ARHGAP26: variants seen among roughly 807,000 people sequenced by gnomAD.
ARHGAP26 encodes the protein rho GTPase-activating protein 26.
Under a neutral mutation model 104.8 loss-of-function variants are expected in ARHGAP26, and 38 were observed. The ratio of observed to expected loss-of-function variants is 0.36; its 90% CI spans 0.28 to 0.48. ARHGAP26 has a LOEUF of 0.48. Among genes scored for constraint, ARHGAP26 ranks in the 20% least tolerant of loss-of-function variants. The probability of loss-of-function intolerance (pLI) is 0.99; values close to 1 mark genes in which losing one functional copy is unlikely to be tolerated. For missense variants in ARHGAP26, 704 were observed against 947.9 expected (o/e 0.74, Z 3.38); for synonymous variants, 341 against 340.0 (o/e 1.00, Z -0.03).
chr5:142,879,290 A>G, intron 3 of ARHGAP26, 84 bp from the exon 4 acceptor site: 2 of 1,218,242 alleles, frequency 1.6e-6, no homozygotes, highest in Non-Finnish European at 2.4e-6. Flanking sequence ...AGACATGGGG[A>G]GGCATCTCAT....
intron 17 of ARHGAP26, among the ~76,000 whole-genome samples, chr5:143,070,921 A>T (rs1159783048): frequency 6.6e-6 from 1 of 152,170 alleles, no homozygotes; most frequent in Non-Finnish European, 1.5e-5. Flanking sequence ...CAGAAAAAAA[A>T]ACAACAAAAA....
intron 1 of ARHGAP26, among the ~76,000 whole-genome samples, chr5:142,867,568 T>C (rs1012861453): frequency 6.6e-6 from 1 of 152,170 alleles, no homozygotes; most frequent in African/African-American, 2.4e-5. Context: ...TGGGGACTCT[T>C]CCTTAAACCA....
chr5:142,892,782 G>A (rs1044827105), intron 5 of ARHGAP26, among the ~76,000 whole-genome samples: 17 of 152,106 alleles, frequency 1.1e-4, no homozygotes, highest in South Asian at 2.1e-4. Flanking sequence ...GGTATTTAGG[G>A]TATCAGTCAC....
At chr5:142,895,481 C>T (rs1228937832) in intron 6 of ARHGAP26, among the ~76,000 whole-genome samples, 2 of 152,144 alleles carry the variant, frequency 1.3e-5, no homozygotes, top group African/African-American at 2.4e-5. Context: ...CCGCCCGCCT[C>T]GGCCTCCCAA....
chr5:142,778,943 A>G (rs77921866), intron 1 of ARHGAP26, among the ~76,000 whole-genome samples: 3 of 127,020 alleles, frequency 2.4e-5, no homozygotes, highest in Non-Finnish European at 4.6e-5. Context: ...CAAGGGATAG[A>G]AAAAAAAAAA....
At chr5:143,161,280 G>A (rs1801209862) in intron 20 of ARHGAP26, among the ~76,000 whole-genome samples, 1 of 152,016 alleles carries the variant, frequency 6.6e-6, no homozygotes, top group Non-Finnish European at 1.5e-5. Flanking sequence ...CCAAAGTGCA[G>A]GGATTACAGG....
At chr5:143,120,090 A>T (rs115665811) in intron 17 of ARHGAP26, among the ~76,000 whole-genome samples, 161 of 152,310 alleles carry the variant, frequency 1.1e-3, no homozygotes, top group African/African-American at 3.3e-3. Flanking sequence ...GATTTAGGGA[A>T]GCTCTTGATA....
chr5:143,160,296 C>A (rs559989070), intron 20 of ARHGAP26, among the ~76,000 whole-genome samples: 1 of 151,824 alleles, frequency 6.6e-6, no homozygotes, highest in African/African-American at 2.4e-5. Context: ...CCTGACCTCA[C>A]GATCCACCTG....
intron 17 of ARHGAP26, among the ~76,000 whole-genome samples, chr5:143,096,597 C>T (rs952523905): frequency 2.0e-5 from 3 of 152,264 alleles, no homozygotes; most frequent in African/African-American, 2.4e-5. Flanking sequence ...ATGCACCTTT[C>T]CTCCTTCGTT....
chr5:142,896,040 C>T (rs1454962564), intron 6 of ARHGAP26, among the ~76,000 whole-genome samples: 3 of 152,148 alleles, frequency 2.0e-5, no homozygotes, highest in Non-Finnish European at 4.4e-5. Context: ...TCAAAAATCC[C>T]CATCTTTCCA....
intron 1 of ARHGAP26, among the ~76,000 whole-genome samples, chr5:142,830,771 A>G (rs1319192771): frequency 6.6e-6 from 1 of 152,140 alleles, no homozygotes; most frequent in Non-Finnish European, 1.5e-5. Context: ...TCTCTTTGCC[A>G]TTGTAAATAC....
chr5:143,207,285 G>A lies in ARHGAP26; in HGVS notation c.2076G>A (p.Thr692=), dbSNP rs142973666. ...CCAGCCCTATGCCCACCTCATCCAC[G>A]TCCAGCGACTCATCCCCCGTCAGGT... ...APSSPMPTSS[T]SSDSSPVSTP... is the part of the protein sequence containing the mutation. The change falls in exon 21 of 23, where the codon ACG becomes ACA. Residue 692 remains threonine (T), a synonymous_variant. Transcript: ENST00000645722. 7.4e-6 allele frequency: 12 copies of A among 1,613,870 alleles called. No individual in the cohort carries two copies. Among genetic ancestry groups the A allele is most frequent in the South Asian group, 4.4e-5 (4 of 91,066 alleles).
chr5:142,951,023 CTCTTTCCCTTT>C (rs1562140937), intron 11 of ARHGAP26, among the ~76,000 whole-genome samples: 8 of 147,146 alleles, frequency 5.4e-5, no homozygotes, highest in Middle Eastern at 3.5e-3. Context: ...CTTTCCCTTT[CTCTTTCCCTTT>C]CCCTTTCCCT....
chr5:143,112,678 TTAAG>T, intron 17 of ARHGAP26, among the ~76,000 whole-genome samples: 1 of 152,192 alleles, frequency 6.6e-6, no homozygotes, highest in East Asian at 1.9e-4. Flanking sequence ...TTTGACTACT[TTAAG>T]TACCTCATAT....
Position 143,226,826 on chromosome 5 carries a change from G to A in ARHGAP26, c.*4380G>A, listed in dbSNP as rs1811718814. 4.4e-6 allele frequency: 1 copy of A among 224,878 alleles called. No individual in the cohort carries two copies. Among genetic ancestry groups the A allele is most frequent in the Admixed American group, 5.7e-5 (1 of 17,484 alleles). 13.9% of individuals were successfully genotyped at this position (224,878 alleles called of 1,614,324 possible). A position where few individuals can be genotyped will look rare whatever the true frequency, so the allele number is the denominator to read the frequency against. ...AAGAATGAACAATCAAGTATTGACAGACTGGCATTAGCAGGACAGAGCCAT... is the reference window on the plus strand; with the variant it reads ...AAGAATGAACAATCAAGTATTGACAAACTGGCATTAGCAGGACAGAGCCAT... On this transcript the variant is annotated 3_prime_UTR_variant, in exon 23 of 23. Coordinates refer to ENST00000645722, the MANE Select transcript of ARHGAP26 (RefSeq NM_001135608.3).
At chr5:143,153,292 G>C (rs187293032) in intron 20 of ARHGAP26, among the ~76,000 whole-genome samples, 34 of 152,162 alleles carry the variant, frequency 2.2e-4, no homozygotes, top group African/African-American at 7.7e-4. Flanking sequence ...CATCGACATT[G>C]CCTGGCTGAT....
At chr5:143,088,286 T>G (rs1790892754) in intron 17 of ARHGAP26, among the ~76,000 whole-genome samples, 1 of 152,236 alleles carries the variant, frequency 6.6e-6, no homozygotes, top group South Asian at 2.1e-4. Flanking sequence ...TGACCACCTG[T>G]GATCTTTGCT....
intron 1 of ARHGAP26, among the ~76,000 whole-genome samples, chr5:142,839,088 A>G (rs1223193844): frequency 6.6e-6 from 1 of 152,236 alleles, no homozygotes; most frequent in African/African-American, 2.4e-5. Flanking sequence ...ATAACCAGGG[A>G]TCTGCATTTT....
At chr5:142,788,966 G>A (rs1246420251) in intron 1 of ARHGAP26, among the ~76,000 whole-genome samples, 1 of 152,190 alleles carries the variant, frequency 6.6e-6, no homozygotes, top group Non-Finnish European at 1.5e-5. Flanking sequence ...GACTAGCAAC[G>A]GAAGCATAGA....
Sources: allele counts gnomAD v4.1 joint callset (sites outside exome capture counted in the v4.1 genomes callset), GRCh38; gene constraint gnomAD v4.1.1; transcripts MANE v1.5; gene names NCBI Gene and HGNC (gene_info 2026-07-23, HGNC 2026-07-21).